Variants in PCDHA3 observed in about 807,000 individuals in gnomAD.
PCDHA3 encodes protocadherin alpha-3.
Under a neutral mutation model 62.2 loss-of-function variants are expected in PCDHA3, and 41 were observed. The ratio of observed to expected loss-of-function variants is 0.66; its 90% CI spans 0.51 to 0.86. The LOEUF (loss-of-function observed/expected upper bound fraction) is 0.86. Ranked by LOEUF, PCDHA3 falls within the 40% of genes least tolerant of loss-of-function variation. The pLI is 0.00. For synonymous variants in PCDHA3, 640 were observed against 555.4 expected, an observed-to-expected ratio of 1.15 and a Z score of -2.14; for missense variants, 1,304 against 1,241.2, an observed-to-expected ratio of 1.05 and a Z score of -0.76.
intron 1 of PCDHA3, among the ~76,000 whole-genome samples, chr5:140,944,325 T>C (rs1179163685): frequency 1.3e-5 from 2 of 152,196 alleles, no homozygotes; most frequent in East Asian, 3.9e-4. Context: ...GTAGCTGGGA[T>C]TACAAGCACG....
intron 1 of PCDHA3, among the ~76,000 whole-genome samples, chr5:140,949,913 A>G (rs554549969): frequency 9.9e-5 from 15 of 151,452 alleles, no homozygotes; most frequent in Admixed American, 2.6e-4. Context: ...TTTAGATATA[A>G]CTATTTTTAG....
chr5:140,986,000 A>G (rs549071976), intron 3 of PCDHA3, among the ~76,000 whole-genome samples: 1 of 151,922 alleles, frequency 6.6e-6, no homozygotes, highest in Non-Finnish European at 1.5e-5. Flanking sequence ...CAGCCTCCCA[A>G]AGTGCTGGGA....
At chr5:140,992,805 A>G (rs2097529327) in intron 3 of PCDHA3, among the ~76,000 whole-genome samples, 1 of 152,078 alleles carries the variant, frequency 6.6e-6, no homozygotes, top group Non-Finnish European at 1.5e-5. Flanking sequence ...ATCCATATGT[A>G]TCTAAGGATG....
chr5:140,823,474 C>T (rs17844296), intron 1 of PCDHA3: 6 of 1,613,348 alleles, frequency 3.7e-6, no homozygotes, highest in African/African-American at 1.3e-5. Flanking sequence ...GCTGCTGGTG[C>T]CTCGAGTGGG....
At position 140,822,688 on chromosome 5, in the gene PCDHA3, G is replaced by A. The variant is rs2150118559; in HGVS notation, c.2394+19097G>A. 2.5e-6 allele frequency: 4 copies of A among 1,609,140 alleles called. No homozygotes were observed. The highest frequency in any genetic ancestry group is 1.7e-5 in the Admixed American group (1 of 59,880). On this transcript the variant is annotated intron_variant, in intron 1 of 3. Transcript: ENST00000522353. ...TAATACTGGTGAAATAAAAGTTAAC[G>A]GGGAACTGGATTATGAAGACTATAA...
chr5:140,859,066 G>A (rs949613185), intron 1 of PCDHA3: 1 of 150,848 alleles, frequency 6.6e-6, no homozygotes, highest in Non-Finnish European at 1.5e-5. Flanking sequence ...TATTTTAGTT[G>A]TAGTGGTACC....
At chr5:140,889,347 T>A (rs531486529) in intron 1 of PCDHA3, among the ~76,000 whole-genome samples, 1 of 152,202 alleles carries the variant, frequency 6.6e-6, no homozygotes, top group South Asian at 2.1e-4. Context: ...GTGGGAATAT[T>A]TCTGATTACT....
At chr5:140,823,692 C>A in intron 1 of PCDHA3, 1 of 1,613,934 alleles carries the variant, frequency 6.2e-7, no homozygotes, top group South Asian at 1.1e-5. Flanking sequence ...TGGATGAGAC[C>A]GAAGCACCGC....
chr5:140,871,300 C>T (rs1562661811), intron 1 of PCDHA3: 4 of 1,613,916 alleles, frequency 2.5e-6, no homozygotes, highest in Non-Finnish European at 3.4e-6. Context: ...CGCGTGCGCG[C>T]CGGGGAAGCC....
intron 3 of PCDHA3, among the ~76,000 whole-genome samples, chr5:140,992,501 A>G (rs1437736734): frequency 6.6e-6 from 1 of 152,206 alleles, no homozygotes. Context: ...TAAGGATTCA[A>G]TCCTGGGGCA....
At chr5:140,849,952 A>G (rs1413987636) in intron 1 of PCDHA3, 1 of 1,597,826 alleles carries the variant, frequency 6.3e-7, no homozygotes, top group Non-Finnish European at 8.6e-7. Context: ...GACGCGCAGG[A>G]GAACGCCCTG....
intron 1 of PCDHA3, chr5:140,834,302 A>T: frequency 7.7e-7 from 1 of 1,294,438 alleles, no homozygotes; most frequent in East Asian, 2.3e-5. Context: ...CCACACATCG[A>T]GATTGAAATG....
At chr5:140,828,815 T>C (rs2150159326) in intron 1 of PCDHA3, 1 of 1,614,204 alleles carries the variant, frequency 6.2e-7, no homozygotes, top group South Asian at 1.1e-5. Context: ...TGCTCCCACT[T>C]TCGAACAGTC....
chr5:140,941,239 C>CTTTCTTTCTTTCTT (rs2092937531), intron 1 of PCDHA3, among the ~76,000 whole-genome samples: 2 of 134,500 alleles, frequency 1.5e-5, no homozygotes, highest in Non-Finnish European at 1.6e-5. Context: ...TTCTTTCTTT[C>CTTTCTTTCTTTCTT]TTTCTTTCTT....
chr5:140,842,525 A>G, intron 1 of PCDHA3: 1 of 1,613,292 alleles, frequency 6.2e-7, no homozygotes, highest in Non-Finnish European at 8.5e-7. Flanking sequence ...GTCCACCTTC[A>G]AGAATTACTA....
chr5:140,936,710 A>G (rs2091103513), intron 1 of PCDHA3, among the ~76,000 whole-genome samples: 1 of 152,216 alleles, frequency 6.6e-6, no homozygotes. Flanking sequence ...TTCTTGTGCC[A>G]ATACATTCTG....
rs199571672 is a variant in PCDHA3 at position 140,994,794 on chromosome 5, T to C, written c.2542+12231T>C. On this transcript the variant is annotated intron_variant, in intron 3 of 3. Transcript: ENST00000522353. The stretch of plus-strand genomic sequence containing the variant: ...CCAGGCAAAGGAAACAATGCGTGCA[T>C]GCAAAAACAAAATACAAAAAACTGA... Among the ~76,000 whole-genome samples the C allele has an allele frequency of 7.2e-5, 11 of 152,270 alleles. No individual in the cohort carries two copies. The East Asian group carries it at 2.1e-3, about 29-fold the overall frequency.
At chr5:140,824,106 G>C (rs2150132209) in intron 1 of PCDHA3, 6 of 1,614,086 alleles carry the variant, frequency 3.7e-6, no homozygotes, top group South Asian at 1.1e-5. Flanking sequence ...GCCTTCCTCA[G>C]GGTCCCACCT....
Position 140,835,579 on chromosome 5 carries a change from C to T in PCDHA3, c.2394+31988C>T, listed in dbSNP as rs2150238736. ...CCCCGCGTTCCCTTCAAGTTGGTGT[C>T]CACCTTCAAGAATTACTATTCATTG... On this transcript the variant is annotated intron_variant, in intron 1 of 3. Transcript: ENST00000522353. 5 of 1,613,798 alleles carry T rather than the reference C, an allele frequency of 3.1e-6. No individual in the cohort carries two copies. The African/African-American group carries it at 5.3e-5, about 17-fold the overall frequency.
Sources: gnomAD v4.1 joint callset for allele counts (sites outside exome capture counted in the v4.1 genomes callset) on GRCh38, gnomAD v4.1.1 for gene constraint, MANE v1.5 for transcripts, NCBI Gene and HGNC (gene_info 2026-07-23, HGNC 2026-07-21) for gene names.